The following HDAC9 variants were observed in gnomAD, a reference collection of about 807,000 sequenced individuals.
The protein encoded by HDAC9 is MEF-2 interacting transcription repressor (MITR) protein.
HDAC9 carries 41 observed loss-of-function variants against 139.4 expected under a neutral mutation model. The ratio of observed to expected loss-of-function variants is 0.29; its 90% confidence interval spans 0.23 to 0.38. The LOEUF is 0.38. Ranked by LOEUF, HDAC9 falls within the 10% of genes least tolerant of loss-of-function variation. The pLI, the probability that HDAC9 is intolerant of heterozygous loss-of-function variation, is 1.00. For synonymous variants in HDAC9, 517 were observed against 476.2 expected, an observed-to-expected ratio of 1.09 and a Z score of -1.12; for missense variants, 1,147 against 1,297.0, an observed-to-expected ratio of 0.88 and a Z score of 1.78.
chr7:18,670,490 C>G (rs1409846695), intron 12 of HDAC9, among the ~76,000 whole-genome samples: 1 of 152,032 alleles, frequency 6.6e-6, no homozygotes, highest in East Asian at 1.9e-4. Context: ...AAGATGTTTA[C>G]TTTTATCTAT....
At chr7:18,346,205 A>T (rs1461026081) in intron 1 of HDAC9, among the ~76,000 whole-genome samples, 1 of 152,094 alleles carries the variant, frequency 6.6e-6, no homozygotes, top group Non-Finnish European at 1.5e-5. Flanking sequence ...TGCTGCAAAA[A>T]ACCCAAAATG....
intron 25 of HDAC9, among the ~76,000 whole-genome samples, chr7:18,981,793 T>G: frequency 6.6e-6 from 1 of 152,130 alleles, no homozygotes; most frequent in East Asian, 1.9e-4. Flanking sequence ...CAAAATCACT[T>G]TTGCCATGTA....
chr7:18,607,054 G>T (rs971483172), intron 6 of HDAC9, among the ~76,000 whole-genome samples: 3 of 152,024 alleles, frequency 2.0e-5, no homozygotes, highest in African/African-American at 7.2e-5. Flanking sequence ...AAACATAGTA[G>T]AAATTAATAA....
chr7:18,583,801 C>G (rs556463520), intron 2 of HDAC9, among the ~76,000 whole-genome samples: 1 of 152,244 alleles, frequency 6.6e-6, no homozygotes, highest in Admixed American at 6.5e-5. Context: ...TTATTTCTGT[C>G]TACACTGGAT....
intron 12 of HDAC9, 35 bp from the exon 13 acceptor site, chr7:18,727,545 C>A (rs755776221): frequency 4.5e-6 from 7 of 1,546,796 alleles, no homozygotes; most frequent in Non-Finnish European, 6.1e-6. Context: ...CCTTGTCTCA[C>A]ATTTCTTTCT....
At chr7:18,178,726 T>C (rs1185959796) in intron 2 of HDAC9, among the ~76,000 whole-genome samples, 1 of 152,222 alleles carries the variant, frequency 6.6e-6, no homozygotes, top group African/African-American at 2.4e-5. Context: ...CAACATTCTT[T>C]ATACTTTTAA....
At chr7:18,404,937 G>A (rs970839830) in intron 1 of HDAC9, among the ~76,000 whole-genome samples, 1 of 152,210 alleles carries the variant, frequency 6.6e-6, no homozygotes, top group Non-Finnish European at 1.5e-5. Flanking sequence ...CAGGGAACCA[G>A]CCCTGGGCAG....
chr7:18,837,389 C>T (rs1456980103), intron 21 of HDAC9, among the ~76,000 whole-genome samples: 11 of 151,814 alleles, frequency 7.2e-5, no homozygotes, highest in African/African-American at 2.7e-4. Flanking sequence ...TCACAAATAC[C>T]ATTACATTTG....
chr7:18,895,530 A>G (rs1249106085), intron 22 of HDAC9, among the ~76,000 whole-genome samples: 2 of 152,156 alleles, frequency 1.3e-5, no homozygotes, highest in Admixed American at 1.3e-4. Flanking sequence ...TGATTACAAA[A>G]GTGAGTCACT....
chr7:18,650,084 G>A (rs947928435), intron 11 of HDAC9, among the ~76,000 whole-genome samples: 1 of 152,014 alleles, frequency 6.6e-6, no homozygotes, highest in African/African-American at 2.4e-5. Context: ...TCTGACTAAT[G>A]GCATAATACT....
intron 23 of HDAC9, among the ~76,000 whole-genome samples, chr7:18,944,861 A>G (rs942671015): frequency 6.6e-6 from 1 of 152,196 alleles, no homozygotes; most frequent in African/African-American, 2.4e-5. Context: ...AGCTAGCTAT[A>G]TTTGATTCAT....
intron 2 of HDAC9, among the ~76,000 whole-genome samples, chr7:18,201,086 G>A (rs1290896001): frequency 6.6e-6 from 1 of 152,106 alleles, no homozygotes; most frequent in African/African-American, 2.4e-5. Context: ...AGGAAGCTAC[G>A]GCACTGTTAG....
rs564807790 is a variant in HDAC9 at position 18,978,399 on chromosome 7, G to A, written c.3170+2446G>A. 7.2e-5 allele frequency among the ~76,000 whole-genome samples: 11 copies of A among 152,262 alleles called. No homozygotes were observed. The South Asian group carries it at 2.3e-3, about 32-fold the overall frequency. ...TTTTGTTCGTTTTTCTTGGATGGGG[G>A]AGGGGATGACAACACAGTGCAGATA... On this transcript the variant is annotated intron_variant, in intron 25 of 25. Coordinates refer to ENST00000686413, the MANE Select transcript of HDAC9 (RefSeq NM_178425.4).
chr7:18,904,572 C>CTTTT (rs71017010), intron 22 of HDAC9, among the ~76,000 whole-genome samples: 4 of 71,942 alleles, frequency 5.6e-5, no homozygotes, highest in African/African-American at 1.2e-4. Context: ...CTCCCCATTT[C>CTTTT]TTTTTTTTTT....
chr7:18,659,598 G>A (rs773784215), intron 11 of HDAC9, among the ~76,000 whole-genome samples: 148 of 152,006 alleles, frequency 9.7e-4, no homozygotes, highest in African/African-American at 3.4e-3. Flanking sequence ...CTTAGTGTTC[G>A]GCCCAATTGC....
At chr7:18,761,903 G>T (rs1789423704) in intron 14 of HDAC9, among the ~76,000 whole-genome samples, 1 of 152,064 alleles carries the variant, frequency 6.6e-6, no homozygotes, top group Non-Finnish European at 1.5e-5. Flanking sequence ...CTGTGTTATA[G>T]CTTTCTCTTC....
At chr7:18,581,881 C>G (rs1005574878) in intron 2 of HDAC9, among the ~76,000 whole-genome samples, 6 of 152,174 alleles carry the variant, frequency 3.9e-5, no homozygotes, top group Non-Finnish European at 8.8e-5. Flanking sequence ...CAAATATCAT[C>G]TTTGAGAAGT....
At chr7:18,862,984 G>A (rs1229863511) in intron 21 of HDAC9, among the ~76,000 whole-genome samples, 1 of 152,100 alleles carries the variant, frequency 6.6e-6, no homozygotes, top group Non-Finnish European at 1.5e-5. Flanking sequence ...GATTAAAAAT[G>A]AATTAAATGA....
rs766027586 is a variant in HDAC9, at chr7:18,762,287, G to A, written c.2164+10G>A. 6.2e-7 allele frequency: 1 copy of A among 1,613,090 alleles called. No individual in the cohort carries two copies. Among genetic ancestry groups the A allele is most frequent in the Non-Finnish European group, 8.5e-7 (1 of 1,179,420 alleles). The stretch of plus-strand genomic sequence containing the variant: ...CCCAGGATACTCCTAGGTCTGTACG[G>A]GCCTCCACTGTACTGGGAACAGCAC... On this transcript the variant is annotated intron_variant, in intron 15 of 25. Transcript: ENST00000686413.
Sources: allele counts gnomAD v4.1 joint callset (sites outside exome capture counted in the v4.1 genomes callset), GRCh38; gene constraint gnomAD v4.1.1; transcripts MANE v1.5; gene names NCBI Gene and HGNC (gene_info 2026-07-23, HGNC 2026-07-21).